DCDC1: variants seen among roughly 807,000 people sequenced by gnomAD.
The protein encoded by DCDC1 is doublecortin domain-containing protein 1.
DCDC1 carries 200 observed loss-of-function variants against 178.3 expected under a neutral mutation model. That is an observed-to-expected ratio of 1.12 (90% CI 1.00 to 1.26). DCDC1 has a LOEUF of 1.26. DCDC1 is among the 50% of genes most tolerant of loss of function. The probability of loss-of-function intolerance (pLI) is 0.00; values close to 1 mark genes in which losing one functional copy is unlikely to be tolerated. For synonymous variants in DCDC1, 690 were observed against 604.8 expected, an observed-to-expected ratio of 1.14 and a Z score of -2.07; for missense variants, 1,983 against 1,749.2, an observed-to-expected ratio of 1.13 and a Z score of -2.38.
chr11:31,259,200 A>C (rs1392211956), intron 8 of DCDC1, among the ~76,000 whole-genome samples: 1 of 151,988 alleles, frequency 6.6e-6, no homozygotes, highest in East Asian at 1.9e-4. Flanking sequence ...AAAATACAAA[A>C]AAATTAGCTG....
At chr11:31,100,090 G>T (rs554382829) in intron 15 of DCDC1, among the ~76,000 whole-genome samples, 11 of 152,296 alleles carry the variant, frequency 7.2e-5, no homozygotes, top group African/African-American at 2.2e-4. Flanking sequence ...GGGTGACAGA[G>T]AAGGCTGGGT....
chr11:31,256,433 AG>A (rs1944420449), intron 8 of DCDC1, among the ~76,000 whole-genome samples: 1 of 152,200 alleles, frequency 6.6e-6, no homozygotes, highest in Non-Finnish European at 1.5e-5. Flanking sequence ...AATAATTTCT[AG>A]ATGTCTCACA....
At chr11:31,360,480 C>G (rs1036718761) in intron 1 of DCDC1, among the ~76,000 whole-genome samples, 1 of 152,102 alleles carries the variant, frequency 6.6e-6, no homozygotes. Context: ...ATCATATACA[C>G]ATATGATAAA....
intron 9 of DCDC1, among the ~76,000 whole-genome samples, chr11:31,163,034 C>A (rs906529559): frequency 6.6e-6 from 1 of 152,226 alleles, no homozygotes; most frequent in Admixed American, 6.5e-5. Context: ...CTAGCACTTC[C>A]CACCATCTAA....
Position 31,066,949 on chromosome 11 carries a change from A to C in DCDC1, c.2299-1796T>G, listed in dbSNP as rs1227226714. Among the ~76,000 whole-genome samples the C allele has an allele frequency of 3.9e-5, 6 of 152,148 alleles. No individual in the cohort carries two copies. The East Asian group carries it at 1.2e-3, about 29-fold the overall frequency. On this transcript the variant is annotated intron_variant, in intron 18 of 38. Transcript: ENST00000684477. ...ATGAAGATACTAGGGGAGGGTGTAC[A>C]TTTGTGAGGGTAAGGGATATATGGG...
chr11:31,122,030 G>A (rs748099561), intron 11 of DCDC1, among the ~76,000 whole-genome samples: 48 of 152,164 alleles, frequency 3.2e-4, no homozygotes, highest in Non-Finnish European at 5.1e-4. Context: ...CTTGCCCACA[G>A]TGAGTCAGAG....
intron 20 of DCDC1, among the ~76,000 whole-genome samples, chr11:31,055,413 C>A (rs577210218): frequency 6.6e-6 from 1 of 152,208 alleles, no homozygotes; most frequent in South Asian, 2.1e-4. Context: ...CACTATGTTT[C>A]CATAGTGTTT....
intron 20 of DCDC1, among the ~76,000 whole-genome samples, chr11:30,961,076 A>G (rs977158708): frequency 5.9e-5 from 9 of 152,148 alleles, no homozygotes; most frequent in South Asian, 4.1e-4. Flanking sequence ...TAATGGAGCC[A>G]CAGATCCACC....
At chr11:31,158,020 T>C (rs1459349362) in intron 9 of DCDC1, among the ~76,000 whole-genome samples, 3 of 152,230 alleles carry the variant, frequency 2.0e-5, no homozygotes, top group Non-Finnish European at 4.4e-5. Flanking sequence ...CATTATCTCA[T>C]ATATTTATTA....
intron 8 of DCDC1, chr11:31,262,498 G>C (rs1250115406): frequency 6.6e-6 from 1 of 152,060 alleles, no homozygotes; most frequent in African/African-American, 2.4e-5. Flanking sequence ...GTTGCTTTTA[G>C]TCCTTGGTAC....
intron 38 of DCDC1, among the ~76,000 whole-genome samples, chr11:30,873,162 G>A (rs1434740531): frequency 6.6e-6 from 1 of 150,906 alleles, no homozygotes; most frequent in African/African-American, 2.4e-5. Context: ...TTAACATTGG[G>A]AAAGCTGTTA....
intron 9 of DCDC1, among the ~76,000 whole-genome samples, chr11:31,240,228 T>TTTCAA (rs1976948767): frequency 6.6e-6 from 1 of 152,008 alleles, no homozygotes; most frequent in Non-Finnish European, 1.5e-5. Context: ...AATAATTTAA[T>TTTCAA]CTAAATGCAA....
intron 7 of DCDC1, among the ~76,000 whole-genome samples, chr11:31,276,575 A>G (rs1020220105): frequency 1.8e-4 from 28 of 152,126 alleles, no homozygotes; most frequent in Non-Finnish European, 5.9e-5. Flanking sequence ...TCAGGCCAGC[A>G]TTTTACAAAA....
chr11:30,970,442 G>A (rs1034619884), intron 20 of DCDC1, among the ~76,000 whole-genome samples: 7 of 152,138 alleles, frequency 4.6e-5, no homozygotes, highest in South Asian at 2.1e-4. Flanking sequence ...TGCCACCAGG[G>A]CTGAAGTGCA....
chr11:31,089,854 T>C (rs1054907227), intron 17 of DCDC1, among the ~76,000 whole-genome samples: 1 of 152,142 alleles, frequency 6.6e-6, no homozygotes, highest in African/African-American at 2.4e-5. Context: ...CAGAATACAG[T>C]TAAAACAGCT....
At chr11:30,912,784 G>C (rs570408412) in intron 27 of DCDC1, among the ~76,000 whole-genome samples, 6 of 152,238 alleles carry the variant, frequency 3.9e-5, no homozygotes, top group Admixed American at 3.9e-4. Flanking sequence ...ATCTCCTTCA[G>C]CCATAGGGTG....
intron 20 of DCDC1, among the ~76,000 whole-genome samples, chr11:30,990,932 T>C (rs1950941549): frequency 1.3e-5 from 2 of 152,226 alleles, no homozygotes; most frequent in Non-Finnish European, 2.9e-5. Flanking sequence ...CTTGAAATTA[T>C]GCAATTCCAA....
intron 8 of DCDC1, among the ~76,000 whole-genome samples, chr11:31,243,526 T>C (rs1386820716): frequency 6.6e-5 from 10 of 151,864 alleles, no homozygotes; most frequent in Non-Finnish European, 1.5e-5. Context: ...CTACCTATGC[T>C]TGTCACAAAA....
At chr11:31,328,810 CAAA>C (rs11321441) in intron 2 of DCDC1, among the ~76,000 whole-genome samples, 5 of 61,568 alleles carry the variant, frequency 8.1e-5, no homozygotes, top group Admixed American at 1.6e-4. Flanking sequence ...GACTACATCT[CAAA>C]AAAAAAAAAA....
Sources: allele counts gnomAD v4.1 joint callset (sites outside exome capture counted in the v4.1 genomes callset), GRCh38; gene constraint gnomAD v4.1.1; transcripts MANE v1.5; gene names NCBI Gene and HGNC (gene_info 2026-07-23, HGNC 2026-07-21).